PTPN9: variants seen among roughly 807,000 people sequenced by gnomAD.
PTPN9 encodes the protein tyrosine-protein phosphatase non-receptor type 9.
PTPN9 carries 26 observed loss-of-function variants against 69.8 expected under a neutral mutation model. The observed-to-expected ratio is 0.37, with a 90% CI of 0.27 to 0.52. The LOEUF (loss-of-function observed/expected upper bound fraction) is 0.52. Ranked by LOEUF, PTPN9 falls within the 20% of genes least tolerant of loss-of-function variation. The pLI, the probability that PTPN9 is intolerant of heterozygous loss-of-function variation, is 0.91. For missense variants in PTPN9, 549 were observed against 740.3 expected, an observed-to-expected ratio of 0.74 and a Z score of 3.00; for synonymous variants, 274 against 272.5, an observed-to-expected ratio of 1.01 and a Z score of -0.05.
At chr15:75,509,130 G>A (rs192249823) in intron 5 of PTPN9, 103 bp from the exon 6 acceptor site, 6 of 890,364 alleles carry the variant, frequency 6.7e-6, no homozygotes, top group South Asian at 1.5e-5. Flanking sequence ...CCAGCAGGGG[G>A]AGTCTACAGC....
intron 8 of PTPN9, among the ~76,000 whole-genome samples, chr15:75,486,636 C>T (rs906756653): frequency 6.6e-6 from 1 of 152,132 alleles, no homozygotes; most frequent in African/African-American, 2.4e-5. Context: ...CTTTAAAATT[C>T]CAGAAGCAAA....
At chr15:75,475,794 G>A (rs766275730) in intron 9 of PTPN9, among the ~76,000 whole-genome samples, 11 of 152,118 alleles carry the variant, frequency 7.2e-5, no homozygotes, top group Admixed American at 2.0e-4. Flanking sequence ...TGTCAAAAAC[G>A]TGAGATCTTA....
At chr15:75,531,867 G>T (rs1417995607) in intron 1 of PTPN9, among the ~76,000 whole-genome samples, 2 of 152,214 alleles carry the variant, frequency 1.3e-5, no homozygotes, top group South Asian at 2.1e-4. Flanking sequence ...CCGAGACATG[G>T]TACCTGTTTT....
chr15:75,517,039 G>A lies in PTPN9; in HGVS notation c.528+220C>T, dbSNP rs146637569. On this transcript the variant is annotated intron_variant, in intron 5 of 12. Coordinates refer to ENST00000618819, the MANE Select transcript of PTPN9 (RefSeq NM_002833.4). ...ATTACAGGCATGAGCCATGGCGCCT[G>A]GCCGTTCCTGTGCATTTTTTACCCG... Among the ~76,000 whole-genome samples, 1,197 of 152,214 alleles carry A rather than the reference G, an allele frequency of 7.9e-3. 11 individuals carry two copies. The highest frequency in any genetic ancestry group is 0.013 in the Non-Finnish European group (912 of 68,014).
intron 4 of PTPN9, among the ~76,000 whole-genome samples, chr15:75,518,001 T>C (rs1166843799): frequency 6.6e-6 from 1 of 152,194 alleles, no homozygotes; most frequent in Non-Finnish European, 1.5e-5. Flanking sequence ...TCTAAGCTCA[T>C]TGATAGTAAA....
At chr15:75,498,923 A>T (rs1037190520) in intron 7 of PTPN9, among the ~76,000 whole-genome samples, 1 of 152,156 alleles carries the variant, frequency 6.6e-6, no homozygotes, top group Non-Finnish European at 1.5e-5. Flanking sequence ...AAACTGGGGA[A>T]GTCTAAATCA....
intron 5 of PTPN9, chr15:75,512,786 C>T (rs1457780385): frequency 7.5e-6 from 2 of 266,468 alleles, no homozygotes; most frequent in African/African-American, 2.3e-5. Context: ...CTCATTTCCC[C>T]ATCCTCTTCC....
chr15:75,561,572 A>C (rs2075104059), intron 1 of PTPN9, among the ~76,000 whole-genome samples: 1 of 152,118 alleles, frequency 6.6e-6, no homozygotes, highest in South Asian at 2.1e-4. Context: ...TATATATAAG[A>C]CTGTGGCTCC....
chr15:75,532,724 G>A (rs777709776), intron 1 of PTPN9, among the ~76,000 whole-genome samples: 3 of 152,208 alleles, frequency 2.0e-5, no homozygotes, highest in Non-Finnish European at 4.4e-5. Context: ...ATACACATGC[G>A]TAGCACCTGC....
At chr15:75,562,229 A>C (rs2075106977) in intron 1 of PTPN9, among the ~76,000 whole-genome samples, 4 of 152,182 alleles carry the variant, frequency 2.6e-5, no homozygotes, top group Admixed American at 6.6e-5. Context: ...TGAACTCCCC[A>C]ACTTCATTAA....
At position 75,469,820 on chromosome 15, in the gene PTPN9, G is replaced by T; in HGVS notation, c.1539C>A (p.Val513=). 1 of 1,613,198 alleles carries T rather than the reference G, an allele frequency of 6.2e-7. No individual in the cohort carries two copies. Among genetic ancestry groups the T allele is most frequent in the South Asian group, 1.1e-5 (1 of 90,998 alleles). ...KGQCPEPPIV[V]HCSAGIGRTG... is the part of the protein sequence containing the mutation. ...TCCTGCCAATGCCTGCACTGCAATG[G>T]ACCACAATGGGTGGCTCAGGGCACT... The change falls in exon 12 of 13, where the codon GTC becomes GTA. Residue 513 remains valine (V), a synonymous_variant. Transcript: ENST00000618819.
intron 8 of PTPN9, among the ~76,000 whole-genome samples, chr15:75,488,769 G>A (rs777552667): frequency 6.6e-6 from 1 of 152,134 alleles, no homozygotes; most frequent in Non-Finnish European, 1.5e-5. Context: ...ACTCAAGCCT[G>A]GGTGACAGAG....
intron 12 of PTPN9, 61 bp downstream of exon 12, chr15:75,469,731 G>A: frequency 6.4e-7 from 1 of 1,557,416 alleles, no homozygotes; most frequent in Admixed American, 1.7e-5. Flanking sequence ...TAAGAGCTTT[G>A]TTTTTCCTCG....
intron 1 of PTPN9, among the ~76,000 whole-genome samples, chr15:75,568,262 G>T (rs934302484): frequency 1.3e-5 from 2 of 151,918 alleles, no homozygotes; most frequent in African/African-American, 4.8e-5. Flanking sequence ...GGAGGCCGAG[G>T]CTGGAGGATC....
Position 75,523,130 on chromosome 15 carries a change from G to A in PTPN9, c.413C>T (p.Ala138Val). Reference sequence around the variant, plus strand: ...TAATCTCAATGCTTACCTATCCACAGCTCTGTCTAGCAAGTAAAACAGAGC... The same window carrying A: ...TAATCTCAATGCTTACCTATCCACAACTCTGTCTAGCAAGTAAAACAGAGC... ...LQALFYLLDR[A>V]VDSFETQRNG... is the part of the protein sequence containing the mutation. The change falls in exon 4 of 13, where the codon GCT (alanine) becomes GTT (valine). Residue 138 changes from alanine to valine, a missense_variant. Coordinates refer to ENST00000618819, the MANE Select transcript of PTPN9 (RefSeq NM_002833.4). 1 of 1,613,894 alleles carries A rather than the reference G, an allele frequency of 6.2e-7. No homozygotes were observed. Among genetic ancestry groups the A allele is most frequent in the Non-Finnish European group, 8.5e-7 (1 of 1,179,942 alleles).
At chr15:75,505,471 T>A (rs568375481) in intron 7 of PTPN9, among the ~76,000 whole-genome samples, 277 of 137,812 alleles carry the variant, frequency 2.0e-3, no homozygotes, top group Middle Eastern at 7.2e-3. Context: ...AATAAAAATT[T>A]AAAAAAAAAA....
intron 5 of PTPN9, among the ~76,000 whole-genome samples, chr15:75,516,457 C>G (rs1199604176): frequency 1.3e-5 from 2 of 151,438 alleles, no homozygotes; most frequent in Non-Finnish European, 2.9e-5. Flanking sequence ...GCGCCTGCCA[C>G]CAGGCCCGGC....
intron 1 of PTPN9, among the ~76,000 whole-genome samples, chr15:75,545,043 A>G (rs1328392500): frequency 6.6e-6 from 1 of 152,180 alleles, no homozygotes; most frequent in Non-Finnish European, 1.5e-5. Flanking sequence ...ACAGTATTAT[A>G]AAGCATGTTA....
intron 7 of PTPN9, among the ~76,000 whole-genome samples, chr15:75,494,896 C>A (rs1290836657): frequency 6.6e-6 from 1 of 151,844 alleles, no homozygotes; most frequent in African/African-American, 2.4e-5. Flanking sequence ...TGATGGCACA[C>A]GCCTGTAGTC....
Sources: gnomAD v4.1 joint callset for allele counts (sites outside exome capture counted in the v4.1 genomes callset) on GRCh38, gnomAD v4.1.1 for gene constraint, MANE v1.5 for transcripts, NCBI Gene and HGNC (gene_info 2026-07-23, HGNC 2026-07-21) for gene names.